Variants in GALNT13 observed in about 807,000 individuals in gnomAD.
GALNT13 encodes polypeptide N-acetylgalactosaminyltransferase 13.
In GALNT13, 28 loss-of-function variants were observed where a neutral mutation model predicts 64.2. The ratio of observed to expected loss-of-function variants is 0.44; its 90% CI spans 0.32 to 0.60. The LOEUF (loss-of-function observed/expected upper bound fraction) is 0.60. GALNT13 is among the 20% of genes least tolerant of loss of function. The pLI, the probability that GALNT13 is intolerant of heterozygous loss-of-function variation, is 0.05. For missense variants in GALNT13, 577 were observed against 669.8 expected (o/e 0.86, Z 1.53); for synonymous variants, 214 against 224.6 (o/e 0.95, Z 0.42).
At chr2:153,770,320 G>A in the GALNT13 span, among the ~76,000 whole-genome samples, 5 of 152,092 alleles carry the variant, frequency 3.3e-5, no homozygotes, top group Admixed American at 3.3e-4. Flanking sequence ...ACTTTGGTCT[G>A]GTTGCTTTCA....
chr2:154,419,354 G>A (rs1201284011), intron 11 of GALNT13, among the ~76,000 whole-genome samples: 2 of 152,182 alleles, frequency 1.3e-5, no homozygotes, highest in Non-Finnish European at 2.9e-5. Context: ...AAGATTGTAA[G>A]TTTTTGTTTT....
the GALNT13 span, among the ~76,000 whole-genome samples, chr2:153,819,745 G>A: frequency 1.3e-5 from 2 of 152,152 alleles, no homozygotes; most frequent in African/African-American, 4.8e-5. Context: ...TATAAATCCT[G>A]CCAATAGAAG....
chr2:153,082,632 C>T, the GALNT13 span, among the ~76,000 whole-genome samples: 1,595 of 53,308 alleles, frequency 0.03, 34 homozygotes, highest in Non-Finnish European at 0.049. Context: ...CACACACACA[C>T]ACACACACAC....
intron 11 of GALNT13, among the ~76,000 whole-genome samples, chr2:154,413,402 T>A (rs1235004661): frequency 2.0e-5 from 3 of 152,008 alleles, no homozygotes; most frequent in African/African-American, 7.2e-5. Context: ...TTTACCCATA[T>A]GGATTTAAAA....
chr2:154,380,441 G>A (rs1162582014), intron 9 of GALNT13, among the ~76,000 whole-genome samples: 1 of 151,844 alleles, frequency 6.6e-6, no homozygotes, highest in Non-Finnish European at 1.5e-5. Context: ...ATAGTTATGT[G>A]TTAATATTTC....
At chr2:153,534,722 A>T in the GALNT13 span, among the ~76,000 whole-genome samples, 1,159 of 151,040 alleles carry the variant, frequency 7.7e-3, 19 homozygotes, top group African/African-American at 0.027. Context: ...TCAGTGGGGG[A>T]GCTTTTTGAG....
At chr2:153,255,281 A>C in the GALNT13 span, among the ~76,000 whole-genome samples, 47 of 142,204 alleles carry the variant, frequency 3.3e-4, no homozygotes, top group Admixed American at 3.3e-3. Context: ...ATCAGAGACT[A>C]GGATTGCAAC....
At chr2:154,227,437 G>A (rs746587852) in intron 4 of GALNT13, among the ~76,000 whole-genome samples, 7 of 151,140 alleles carry the variant, frequency 4.6e-5, no homozygotes, top group Non-Finnish European at 8.8e-5. Context: ...CCAGTAACTC[G>A]TTATTTAACA....
At chr2:153,157,516 C>G in the GALNT13 span, among the ~76,000 whole-genome samples, 1 of 152,118 alleles carries the variant, frequency 6.6e-6, no homozygotes, top group East Asian at 1.9e-4. Context: ...CTAAACGTTA[C>G]ACAGCACAGG....
intron 9 of GALNT13, among the ~76,000 whole-genome samples, chr2:154,370,288 A>G (rs543596741): frequency 1.3e-5 from 2 of 152,262 alleles, no homozygotes; most frequent in South Asian, 4.1e-4. Context: ...AAGAGATCCA[A>G]AAATCATTGA....
At chr2:153,518,014 C>T in the GALNT13 span, among the ~76,000 whole-genome samples, 11 of 152,140 alleles carry the variant, frequency 7.2e-5, no homozygotes, top group Non-Finnish European at 1.2e-4. Context: ...AAAAATGATT[C>T]GTGCCAGAAA....
chr2:153,701,158 T>A, the GALNT13 span, among the ~76,000 whole-genome samples: 1 of 151,956 alleles, frequency 6.6e-6, no homozygotes, highest in Admixed American at 6.6e-5. Context: ...TAAACACCAA[T>A]GGAACAGAAC....
At chr2:154,137,492 A>C (rs1028734973) in intron 3 of GALNT13, among the ~76,000 whole-genome samples, 5 of 152,182 alleles carry the variant, frequency 3.3e-5, no homozygotes, top group African/African-American at 1.2e-4. Context: ...AAGTAGTCCT[A>C]GGTATACGGA....
chr2:153,671,119 A>C, the GALNT13 span, among the ~76,000 whole-genome samples: 1 of 152,196 alleles, frequency 6.6e-6, no homozygotes, highest in East Asian at 1.9e-4. Flanking sequence ...CAAGGTAGAA[A>C]ACACTCTTCA....
At chr2:153,742,921 A>G in the GALNT13 span, among the ~76,000 whole-genome samples, 17 of 141,824 alleles carry the variant, frequency 1.2e-4, no homozygotes, top group Non-Finnish European at 2.1e-4. Context: ...TTCTTTTCCA[A>G]GGGAAGGGAA....
chr2:153,966,219 C>CTTTTTTTT (rs761961683), intron 3 of GALNT13, among the ~76,000 whole-genome samples: 7 of 120,094 alleles, frequency 5.8e-5, no homozygotes, highest in African/African-American at 6.2e-5. Flanking sequence ...GGTTGGATTT[C>CTTTTTTTT]TTTTTTTTTT....
At chr2:153,938,932 C>T (rs911801571) in intron 2 of GALNT13, among the ~76,000 whole-genome samples, 12 of 152,048 alleles carry the variant, frequency 7.9e-5, no homozygotes, top group African/African-American at 2.7e-4. Flanking sequence ...GCAATTCAGC[C>T]CATAACAACA....
the GALNT13 span, among the ~76,000 whole-genome samples, chr2:153,302,906 C>CT: frequency 2.6e-5 from 4 of 151,970 alleles, no homozygotes; most frequent in Admixed American, 2.0e-4. Context: ...GTTTGTGTGT[C>CT]TTTTTTAAAA....
At chr2:154,436,662 G>A (rs544632907) in intron 11 of GALNT13, 22 of 152,268 alleles carry the variant, frequency 1.4e-4, no homozygotes, top group African/African-American at 5.1e-4. Flanking sequence ...ACGGTTTGGG[G>A]AGGATATGAA....
Sources: allele counts gnomAD v4.1 joint callset (sites outside exome capture counted in the v4.1 genomes callset), GRCh38; gene constraint gnomAD v4.1.1; transcripts MANE v1.5; gene names NCBI Gene and HGNC (gene_info 2026-07-23, HGNC 2026-07-21).